DPP6: variants seen among roughly 807,000 people sequenced by gnomAD.
The protein encoded by DPP6 is dipeptidyl peptidase like 6.
DPP6 carries 69 observed loss-of-function variants against 122.6 expected under a neutral mutation model. The observed-to-expected ratio is 0.56, with a 90% confidence interval of 0.46 to 0.69. The LOEUF is 0.69. Ranked by LOEUF, DPP6 falls within the 30% of genes least tolerant of loss-of-function variation. The probability of loss-of-function intolerance (pLI) is 0.00; values close to 1 mark genes in which losing one functional copy is unlikely to be tolerated. For missense variants in DPP6, 928 were observed against 1,116.9 expected, an observed-to-expected ratio of 0.83 and a Z score of 2.41; for synonymous variants, 418 against 433.1, an observed-to-expected ratio of 0.97 and a Z score of 0.43.
At position 154,483,479 on chromosome 7, in the gene DPP6, G is replaced by A. The variant is rs1250520987; in HGVS notation, c.457+8442G>A. ...AGAAGTGGTTCTGGGGTTCTACCAA[G>A]GGAACAAGGGAGAAGGCTTTTACAG... On this transcript the variant is annotated intron_variant, in intron 3 of 25. Transcript: ENST00000377770. The surrounding 1 kb of genome is among the most constrained non-coding windows in gnomAD (Gnocchi z 8.1). 6.6e-6 allele frequency among the ~76,000 whole-genome samples: 1 copy of A among 152,022 alleles called. No individual in the cohort carries two copies. Among genetic ancestry groups the A allele is most frequent in the African/African-American group, 2.4e-5 (1 of 41,374 alleles).
At chr7:153,903,451 A>G (rs1799722901) in intron 1 of DPP6, among the ~76,000 whole-genome samples, 1 of 152,212 alleles carries the variant, frequency 6.6e-6, no homozygotes, top group Admixed American at 6.5e-5. Flanking sequence ...TTAGTTTTCA[A>G]ATGAGGCTCA....
At chr7:154,276,772 C>G (rs540148768) in intron 1 of DPP6, among the ~76,000 whole-genome samples, 3 of 152,046 alleles carry the variant, frequency 2.0e-5, no homozygotes, top group Admixed American at 1.3e-4. Context: ...AGCCTCGGGT[C>G]ACAACATTTT....
chr7:154,307,847 G>A (rs1244492202), intron 1 of DPP6, among the ~76,000 whole-genome samples: 1 of 151,676 alleles, frequency 6.6e-6, no homozygotes, highest in East Asian at 1.9e-4. Context: ...GGGAGACCAG[G>A]AAAGAGGAAT....
At chr7:154,089,127 G>A (rs566033287) in intron 1 of DPP6, among the ~76,000 whole-genome samples, 74 of 152,270 alleles carry the variant, frequency 4.9e-4, no homozygotes, top group Non-Finnish European at 7.8e-4. Context: ...AAGCAGAATT[G>A]GATTTCTCAA....
intron 1 of DPP6, among the ~76,000 whole-genome samples, chr7:153,922,446 C>T (rs1800683059): frequency 6.6e-6 from 1 of 152,176 alleles, no homozygotes; most frequent in African/African-American, 2.4e-5. Flanking sequence ...CTGCAGTGAG[C>T]CGTGGTAGCA....
chr7:154,007,053 C>G (rs1797943867), intron 1 of DPP6, among the ~76,000 whole-genome samples: 1 of 152,228 alleles, frequency 6.6e-6, no homozygotes, highest in African/African-American at 2.4e-5. Context: ...CTATGGGTCA[C>G]AGAGACACAG....
chr7:153,801,986 A>T, the DPP6 span, among the ~76,000 whole-genome samples: 1 of 152,150 alleles, frequency 6.6e-6, no homozygotes, highest in Non-Finnish European at 1.5e-5. Flanking sequence ...AGAGGGGAAA[A>T]TTCACAGAAG....
intron 1 of DPP6, among the ~76,000 whole-genome samples, chr7:153,960,083 G>GT (rs1442850788): frequency 6.6e-6 from 1 of 151,482 alleles, no homozygotes; most frequent in African/African-American, 2.4e-5. Context: ...AGCAAATGAG[G>GT]TGTGTGATCA....
At chr7:154,820,373 T>C (rs1799683829) in intron 16 of DPP6, among the ~76,000 whole-genome samples, 1 of 151,904 alleles carries the variant, frequency 6.6e-6, no homozygotes. Context: ...TGGGCTGCTG[T>C]GAAAATGAAG....
upstream of DPP6, among the ~76,000 whole-genome samples, chr7:153,883,134 G>T (rs964058847): frequency 6.6e-6 from 1 of 151,824 alleles, no homozygotes; most frequent in Non-Finnish European, 1.5e-5. Context: ...GACCACCTTC[G>T]CATCCCTGTT....
chr7:154,128,815 G>C (rs1808143237), intron 1 of DPP6, among the ~76,000 whole-genome samples: 1 of 149,862 alleles, frequency 6.7e-6, no homozygotes, highest in South Asian at 2.2e-4. Flanking sequence ...AAATCTGATT[G>C]TTACTGCTGG....
At chr7:154,252,681 C>A (rs1166224697) in intron 1 of DPP6, among the ~76,000 whole-genome samples, 1 of 152,158 alleles carries the variant, frequency 6.6e-6, no homozygotes, top group Non-Finnish European at 1.5e-5. Context: ...ACAAAAACTA[C>A]ATGAGAGACT....
At chr7:154,374,216 G>A (rs1007461858) in intron 1 of DPP6, among the ~76,000 whole-genome samples, 3 of 152,134 alleles carry the variant, frequency 2.0e-5, no homozygotes, top group East Asian at 1.9e-4. Context: ...TGACCTTGGG[G>A]ACATTATTTC....
chr7:154,347,163 G>A (rs1810471679), intron 1 of DPP6, among the ~76,000 whole-genome samples: 1 of 152,208 alleles, frequency 6.6e-6, no homozygotes, highest in South Asian at 2.1e-4. Flanking sequence ...GTAACGTACA[G>A]GAGACCTGTT....
In DPP6 at chr7:154,156,766, T is replaced by C. The variant is rs141262124; in HGVS notation, c.243+103703T>C. 4.1e-3 allele frequency among the ~76,000 whole-genome samples: 605 copies of C among 148,068 alleles called. 4 individuals are homozygous for C. The highest frequency in any genetic ancestry group is 0.021 in the South Asian group (98 of 4,778). On this transcript the variant is annotated intron_variant, in intron 1 of 25. Transcript: ENST00000377770. ...ACCTTGAATTTAATGGAGGTATAGA[T>C]AGGTAGGTAGGTAGGTAGGTAGGTA... is the stretch of plus-strand genomic sequence containing the variant.
intron 1 of DPP6, among the ~76,000 whole-genome samples, chr7:154,258,693 G>T (rs963329174): frequency 1.3e-5 from 2 of 152,194 alleles, no homozygotes; most frequent in African/African-American, 4.8e-5. Flanking sequence ...TGGAACAGGG[G>T]TGCATAGTTA....
intron 1 of DPP6, among the ~76,000 whole-genome samples, chr7:153,967,344 T>C (rs1447397948): frequency 6.6e-6 from 1 of 152,134 alleles, no homozygotes. Context: ...CTGAAGGAGA[T>C]GGCCTTGCAG....
chr7:154,432,767 G>T (rs1480015151), intron 1 of DPP6, among the ~76,000 whole-genome samples: 1 of 152,200 alleles, frequency 6.6e-6, no homozygotes, highest in Non-Finnish European at 1.5e-5. Flanking sequence ...AGACACGGAA[G>T]TGGGCATCAC....
intron 1 of DPP6, among the ~76,000 whole-genome samples, chr7:154,008,866 C>T (rs1490295480): frequency 1.3e-5 from 2 of 151,202 alleles, no homozygotes; most frequent in African/African-American, 2.4e-5. Context: ...GGGGTTTCAC[C>T]GTGTTAGCCA....
Sources: gnomAD v4.1 joint callset for allele counts (sites outside exome capture counted in the v4.1 genomes callset) on GRCh38, gnomAD v4.1.1 for gene constraint, Gnocchi (gnomAD v3.1) non-coding constraint, MANE v1.5 for transcripts, NCBI Gene and HGNC (gene_info 2026-07-23, HGNC 2026-07-21) for gene names.